ZFPM1: variants seen among roughly 807,000 people sequenced by gnomAD.
ZFPM1 encodes zinc finger protein ZFPM1.
A neutral mutation model predicts 46.3 loss-of-function variants in ZFPM1; 28 were observed. The observed-to-expected ratio is 0.60, with a 90% confidence interval of 0.45 to 0.83. ZFPM1 has a LOEUF of 0.83. Among genes scored for constraint, ZFPM1 ranks in the 40% least tolerant of loss-of-function variants. The pLI, the probability that ZFPM1 is intolerant of heterozygous loss-of-function variation, is 0.00. For synonymous variants in ZFPM1, 957 were observed against 675.9 expected (o/e 1.42, Z -6.45); for missense variants, 1,878 against 1,432.4 (o/e 1.31, Z -5.02).
rs752835046 is a variant in ZFPM1, at chr16:88,534,084, G to C, written c.2126G>C (p.Arg709Pro). The C allele has an allele frequency of 1.7e-6, 2 of 1,201,804 alleles. No individual in the cohort carries two copies. The highest frequency in any genetic ancestry group is 3.0e-5 in the South Asian group (2 of 66,518). 74.4% of individuals were successfully genotyped at this position (1,201,804 alleles called of 1,614,324 possible). ...TVHKRYYCASRHDPPPRRPAA... is the reference protein window; with the variant it reads ...TVHKRYYCASPHDPPPRRPAA... ...CACAAGCGGTACTACTGCGCCTCGC[G>C]CCACGACCCGCCGCCGCGCCGACCG... is the stretch of plus-strand genomic sequence containing the variant. The change falls in exon 10 of 10, where the codon CGC becomes CCC. Residue 709 changes from arginine to proline, a missense_variant. By Grantham distance (103) the Arg-to-Pro change is moderately radical. Transcript: ENST00000319555.
chr16:88,527,713 C>T, intron 5 of ZFPM1, among the ~76,000 whole-genome samples: 1 of 151,894 alleles, frequency 6.6e-6, no homozygotes, highest in Non-Finnish European at 1.5e-5. Context: ...CCTCTGGCTG[C>T]CGTCCCTGAG....
intron 3 of ZFPM1, among the ~76,000 whole-genome samples, chr16:88,495,907 GCACAGGGGTC>G (rs943649081): frequency 2.8e-4 from 42 of 152,320 alleles, no homozygotes; most frequent in African/African-American, 9.6e-4. Flanking sequence ...GGCAAGAGGA[GCACAGGGGTC>G]CGCCTGTGAG....
intron 1 of ZFPM1, among the ~76,000 whole-genome samples, chr16:88,476,976 G>A (rs1286175136): frequency 6.6e-6 from 1 of 152,270 alleles, no homozygotes; most frequent in Non-Finnish European, 1.5e-5. Context: ...TGATAGCGAT[G>A]GAGAGAAGAT....
intron 3 of ZFPM1, among the ~76,000 whole-genome samples, chr16:88,501,183 G>T (rs12924292): frequency 0.15 from 4,753 of 32,270 alleles, 124 homozygotes; most frequent in East Asian, 0.26. Flanking sequence ...CATGGGTGCG[G>T]GGGCCCTCCC....
chr16:88,500,913 C>T (rs549918822), intron 3 of ZFPM1, among the ~76,000 whole-genome samples: 6 of 152,264 alleles, frequency 3.9e-5, no homozygotes, highest in African/African-American at 1.2e-4. Context: ...CTCACCTGAC[C>T]GACAGGTACA....
intron 1 of ZFPM1, among the ~76,000 whole-genome samples, chr16:88,477,014 G>T (rs970404665): frequency 6.6e-6 from 1 of 152,262 alleles, no homozygotes; most frequent in Non-Finnish European, 1.5e-5. Flanking sequence ...CGTGCGCCGG[G>T]TCCCTTCTCC....
chr16:88,528,273 C>A (rs764982637), intron 6 of ZFPM1, 35 bp downstream of exon 6: 1 of 1,556,480 alleles, frequency 6.4e-7, no homozygotes, highest in South Asian at 1.2e-5. Context: ...AGGGCGGCTG[C>A]TCCACCAAGG....
chr16:88,518,056 T>A (rs2142441864), intron 4 of ZFPM1, among the ~76,000 whole-genome samples: 1 of 152,060 alleles, frequency 6.6e-6, no homozygotes, highest in East Asian at 1.9e-4. Flanking sequence ...TAAAAAAAAA[T>A]TAGCCGGGCA....
At position 88,495,216 on chromosome 16, in the gene ZFPM1, C is replaced by T. The variant is rs79163873; in HGVS notation, c.268+6063C>T. 2.7e-3 allele frequency among the ~76,000 whole-genome samples: 413 copies of T among 152,338 alleles called. 5 individuals carry two copies. Among genetic ancestry groups the T allele is most frequent in the African/African-American group, 9.5e-3 (397 of 41,588 alleles). On this transcript the variant is annotated intron_variant, in intron 3 of 9. Coordinates refer to ENST00000319555, the MANE Select transcript of ZFPM1 (RefSeq NM_153813.3). The stretch of plus-strand genomic sequence containing the variant: ...TGGGGTCCTGGGCTGGCCCATTTCA[C>T]GGGCCCTGTGTGGTCGTCTGCCCAG...
In ZFPM1 at chr16:88,471,283, G is replaced by C. The variant is rs1180082107; in HGVS notation, c.41-14656G>C. On this transcript the variant is annotated intron_variant, in intron 1 of 9. Transcript: ENST00000319555. This position sits in a 1 kb window ranked among gnomAD's most constrained non-coding sequence, Gnocchi z 4.1. Reference sequence around the variant, plus strand: ...GCAGCCATGTGTGACCTCCACCCTCGCGAAGGCCAGCGGCCGCAGGGTCTG... The same window carrying C: ...GCAGCCATGTGTGACCTCCACCCTCCCGAAGGCCAGCGGCCGCAGGGTCTG... Among the ~76,000 whole-genome samples, 1 of 152,232 alleles carries C rather than the reference G, an allele frequency of 6.6e-6. No homozygotes were observed. The highest frequency in any genetic ancestry group is 1.5e-5 in the Non-Finnish European group (1 of 68,038).
rs756321601 is a variant in ZFPM1, at chr16:88,484,465, C to T, written c.41-1474C>T. On this transcript the variant is annotated intron_variant, in intron 1 of 9. Transcript: ENST00000319555. ...CCCCTGACACGTGAACTCAGACACG[C>T]GGTTTCCAGACTTTTCTTATTCATT... 1.2e-4 allele frequency among the ~76,000 whole-genome samples: 19 copies of T among 152,206 alleles called. 1 individual carries two copies. The highest frequency in any genetic ancestry group is 8.5e-4 in the Admixed American group (13 of 15,288).
At chr16:88,484,610 G>T (rs1381772240) in intron 1 of ZFPM1, among the ~76,000 whole-genome samples, 1 of 152,230 alleles carries the variant, frequency 6.6e-6, no homozygotes, top group Non-Finnish European at 1.5e-5. Context: ...GCTTCACACA[G>T]GACAGTAGAA....
chr16:88,452,926 G>A (rs944896132), upstream of ZFPM1, among the ~76,000 whole-genome samples: 22 of 152,190 alleles, frequency 1.4e-4, no homozygotes, highest in African/African-American at 4.3e-4. Flanking sequence ...AAGAGGAGTG[G>A]GGGAGGCTAG....
chr16:88,535,090 C>T lies in ZFPM1; in HGVS notation c.*111C>T. ...CCTGGGAACCCCGCCACGCACAGGC[C>T]TCGGCGGAGGGGGCCGCAGGGGGCA... On this transcript the variant is annotated 3_prime_UTR_variant, in exon 10 of 10. Coordinates refer to ENST00000319555, the MANE Select transcript of ZFPM1 (RefSeq NM_153813.3). 1 of 1,292,792 alleles carries T rather than the reference C, an allele frequency of 7.7e-7. No individual in the cohort carries two copies. Among genetic ancestry groups the T allele is most frequent in the Non-Finnish European group, 9.9e-7 (1 of 1,006,614 alleles). The allele number at this position is 1,292,792 out of a possible 1,614,324, so 80.1% of individuals were successfully genotyped here.
intron 4 of ZFPM1, among the ~76,000 whole-genome samples, chr16:88,525,369 G>C (rs768041471): frequency 5.9e-5 from 9 of 152,244 alleles, no homozygotes; most frequent in Non-Finnish European, 1.2e-4. Context: ...TACCATGGCA[G>C]GGTTGGGCTG....
At chr16:88,516,565 G>A (rs1292809692) in intron 4 of ZFPM1, 7 of 398,664 alleles carry the variant, frequency 1.8e-5, no homozygotes, top group East Asian at 1.1e-4. Context: ...CCAGCGAGGC[G>A]CTATCTCCGC....
chr16:88,479,888 C>G (rs1337792400), intron 1 of ZFPM1, among the ~76,000 whole-genome samples: 5 of 144,632 alleles, frequency 3.5e-5, no homozygotes, highest in Non-Finnish European at 6.1e-5. Context: ...TACTTCCTCC[C>G]CCAGCCCTGG....
chr16:88,484,971 C>T (rs1909137807), intron 1 of ZFPM1, among the ~76,000 whole-genome samples: 2 of 152,230 alleles, frequency 1.3e-5, no homozygotes, highest in South Asian at 4.1e-4. Context: ...TGAGGCACTC[C>T]ACCCCCAGGT....
chr16:88,489,012 G>T lies in ZFPM1; in HGVS notation c.146-19G>T. 1 of 1,608,486 alleles carries T rather than the reference G, an allele frequency of 6.2e-7. No individual in the cohort carries two copies. Among genetic ancestry groups the T allele is most frequent in the Non-Finnish European group, 8.5e-7 (1 of 1,176,780 alleles). Reference sequence around the variant, plus strand: ...GCCCGGCACTCAGCAGGGATGTGACGGTGTTTTCCTCTCTGCAGATGTTAA... The same window carrying T: ...GCCCGGCACTCAGCAGGGATGTGACTGTGTTTTCCTCTCTGCAGATGTTAA... On this transcript the variant is annotated intron_variant, in intron 2 of 9. Coordinates refer to ENST00000319555, the MANE Select transcript of ZFPM1 (RefSeq NM_153813.3).
Sources: gnomAD v4.1 joint callset for allele counts (sites outside exome capture counted in the v4.1 genomes callset) on GRCh38, gnomAD v4.1.1 for gene constraint, Gnocchi (gnomAD v3.1) non-coding constraint, MANE v1.5 for transcripts, NCBI Gene and HGNC (gene_info 2026-07-23, HGNC 2026-07-21) for gene names.